The following FRAS1 variants were observed in gnomAD, a reference collection of about 807,000 sequenced individuals.
The protein encoded by FRAS1 is extracellular matrix organizing protein FRAS1.
In FRAS1, 290 loss-of-function variants were observed where a neutral mutation model predicts 435.2. The ratio of observed to expected loss-of-function variants is 0.67; its 90% CI spans 0.61 to 0.73. The LOEUF (loss-of-function observed/expected upper bound fraction) is 0.73. FRAS1 is among the 30% of genes least tolerant of loss of function. The probability of loss-of-function intolerance (pLI) is 0.00; values close to 1 mark genes in which losing one functional copy is unlikely to be tolerated. For synonymous variants in FRAS1, 1,800 were observed against 1,851.0 expected, an observed-to-expected ratio of 0.97 and a Z score of 0.71; for missense variants, 4,860 against 5,001.5, an observed-to-expected ratio of 0.97 and a Z score of 0.85.
intron 2 of FRAS1, among the ~76,000 whole-genome samples, chr4:78,119,851 A>G (rs1223800939): frequency 6.6e-6 from 1 of 152,196 alleles, no homozygotes; most frequent in African/African-American, 2.4e-5. Flanking sequence ...GGAGAACATT[A>G]CTAAACAAGC....
intron 2 of FRAS1, among the ~76,000 whole-genome samples, chr4:78,154,988 G>C (rs1229777154): frequency 6.6e-6 from 1 of 152,218 alleles, no homozygotes; most frequent in Non-Finnish European, 1.5e-5. Context: ...GACTCCATGT[G>C]ACAGTCTCCT....
At chr4:78,482,346 A>G (rs1481431998) in intron 57 of FRAS1, 42 bp from the exon 58 acceptor site, 1 of 1,612,908 alleles carries the variant, frequency 6.2e-7, no homozygotes, top group Admixed American at 1.7e-5. Context: ...TGGGTGTTAG[A>G]TGGTGGGTCC....
At chr4:78,509,088 C>G (rs1720948262) in intron 63 of FRAS1, 82 bp downstream of exon 63, 1 of 1,470,144 alleles carries the variant, frequency 6.8e-7, no homozygotes, top group Non-Finnish European at 9.4e-7. Flanking sequence ...AATCAAATTC[C>G]TTATGGTCCA....
At chr4:78,411,191 A>G (rs1242806063) in intron 31 of FRAS1, among the ~76,000 whole-genome samples, 12 of 149,194 alleles carry the variant, frequency 8.0e-5, no homozygotes, top group African/African-American at 2.7e-4. Context: ...GCTCACTGCA[A>G]CCTCCACCTC....
intron 66 of FRAS1, 91 bp from the exon 67 acceptor site, chr4:78,519,240 G>T: frequency 8.9e-7 from 1 of 1,117,356 alleles, no homozygotes; most frequent in Non-Finnish European, 1.2e-6. Context: ...TGACTACATG[G>T]GTGAATGAAA....
intron 1 of FRAS1, among the ~76,000 whole-genome samples, chr4:78,065,065 T>TAC (rs1304868551): frequency 7.7e-6 from 1 of 129,286 alleles, no homozygotes; most frequent in Non-Finnish European, 1.6e-5. Flanking sequence ...AGTGTATATA[T>TAC]ATATATATAT....
rs974625734 is a variant in FRAS1 at position 78,544,133 on chromosome 4, G to T, written c.*3009G>T. The T allele has an allele frequency of 2.0e-5, 3 of 152,608 alleles. No homozygotes were observed. Among genetic ancestry groups the T allele is most frequent in the African/African-American group, 7.2e-5 (3 of 41,452 alleles). 9.5% of individuals were successfully genotyped at this position (152,608 alleles called of 1,614,324 possible). On this transcript the variant is annotated 3_prime_UTR_variant, in exon 74 of 74. Transcript: ENST00000512123. The stretch of plus-strand genomic sequence containing the variant: ...CTCAGACTGAGTAAACATTTGTGGT[G>T]CTGTCAACCTGATTTCTTGACTCTC...
intron 40 of FRAS1, among the ~76,000 whole-genome samples, chr4:78,440,880 T>C (rs985793334): frequency 6.6e-6 from 1 of 152,162 alleles, no homozygotes; most frequent in Non-Finnish European, 1.5e-5. Context: ...GTGATTAGAA[T>C]GGGCTAGAGC....
intron 59 of FRAS1, among the ~76,000 whole-genome samples, chr4:78,491,200 G>A (rs999328968): frequency 2.9e-4 from 44 of 152,054 alleles, no homozygotes; most frequent in African/African-American, 9.4e-4. Flanking sequence ...AGGACCAGAC[G>A]GATTCACAGC....
At chr4:78,361,450 A>G (rs1731070167) in intron 20 of FRAS1, among the ~76,000 whole-genome samples, 1 of 152,336 alleles carries the variant, frequency 6.6e-6, no homozygotes, top group South Asian at 2.1e-4. Context: ...CAAAGTTCAC[A>G]GAAAGGTTTG....
chr4:78,422,598 T>G (rs1733832679), intron 34 of FRAS1, among the ~76,000 whole-genome samples: 1 of 151,878 alleles, frequency 6.6e-6, no homozygotes, highest in South Asian at 2.1e-4. Context: ...TGTCCTTGTG[T>G]CTGAAATGTG....
intron 1 of FRAS1, among the ~76,000 whole-genome samples, chr4:78,065,529 C>T (rs1739990652): frequency 6.6e-6 from 1 of 151,906 alleles, no homozygotes; most frequent in Non-Finnish European, 1.5e-5. Context: ...AAGTACATCT[C>T]CTGTAGAAAA....
rs532369295 is a variant in FRAS1, at chr4:78,417,428, T to C, written c.4426-1521T>C. Among the ~76,000 whole-genome samples the C allele has an allele frequency of 2.3e-3, 351 of 152,352 alleles. 2 individuals are homozygous for C. Among genetic ancestry groups the C allele is most frequent in the Non-Finnish European group, 4.3e-3 (294 of 68,036 alleles). Reference sequence around the variant, plus strand: ...TACAGAGCCTATACTTTTTTGTCTGTTAGTTGTACCCACATGTGTACATGT... The same window carrying C: ...TACAGAGCCTATACTTTTTTGTCTGCTAGTTGTACCCACATGTGTACATGT... On this transcript the variant is annotated intron_variant, in intron 32 of 73. Coordinates refer to ENST00000512123, the MANE Select transcript of FRAS1 (RefSeq NM_025074.7).
At chr4:78,155,315 A>T (rs1269121377) in intron 2 of FRAS1, among the ~76,000 whole-genome samples, 4 of 152,158 alleles carry the variant, frequency 2.6e-5, no homozygotes, top group African/African-American at 9.7e-5. Flanking sequence ...TTTTTTTGGC[A>T]TGCATGTAAT....
In FRAS1 at chr4:78,221,646, G is replaced by A. The variant is rs142153658; in HGVS notation, c.109-15864G>A. On this transcript the variant is annotated intron_variant, in intron 2 of 73. Transcript: ENST00000512123. Reference sequence around the variant, plus strand: ...CATTCTTTGCATTGTGTGGCTCACCGTCCTCCCATTTTTAGAAGGGGCTCT... The same window carrying A: ...CATTCTTTGCATTGTGTGGCTCACCATCCTCCCATTTTTAGAAGGGGCTCT... Among the ~76,000 whole-genome samples the A allele has an allele frequency of 2.0e-4, 31 of 152,226 alleles. No individual in the cohort carries two copies. The East Asian group carries it at 4.2e-3, about 21-fold the overall frequency.
intron 47 of FRAS1, among the ~76,000 whole-genome samples, chr4:78,457,173 C>A (rs891663576): frequency 6.6e-6 from 1 of 152,158 alleles, no homozygotes; most frequent in Non-Finnish European, 1.5e-5. Flanking sequence ...ATTAAAAGGC[C>A]CTTTGCTGAT....
At chr4:78,112,073 C>T (rs1460176871) in intron 2 of FRAS1, among the ~76,000 whole-genome samples, 3 of 152,156 alleles carry the variant, frequency 2.0e-5, no homozygotes, top group Admixed American at 6.6e-5. Context: ...TAATCTCCTT[C>T]ACCTTAGGGA....
intron 53 of FRAS1, among the ~76,000 whole-genome samples, chr4:78,475,070 C>T (rs1049686212): frequency 6.6e-6 from 1 of 152,186 alleles, no homozygotes; most frequent in African/African-American, 2.4e-5. Context: ...GCTTTCTTCC[C>T]TAAGAACCCA....
At chr4:78,486,632 A>G (rs1356409727) in intron 58 of FRAS1, among the ~76,000 whole-genome samples, 2 of 152,148 alleles carry the variant, frequency 1.3e-5, no homozygotes, top group Non-Finnish European at 2.9e-5. Context: ...GACATTAAAT[A>G]ATATATATGA....
Sources: gnomAD v4.1 joint callset for allele counts (sites outside exome capture counted in the v4.1 genomes callset) on GRCh38, gnomAD v4.1.1 for gene constraint, MANE v1.5 for transcripts, NCBI Gene and HGNC (gene_info 2026-07-23, HGNC 2026-07-21) for gene names.